Variants in DGKI observed in about 807,000 individuals in gnomAD.
DGKI encodes the protein DAG kinase iota.
In DGKI, 55 loss-of-function variants were observed where a neutral mutation model predicts 147.5. The observed-to-expected ratio is 0.37, with a 90% CI of 0.30 to 0.47. The LOEUF (loss-of-function observed/expected upper bound fraction) is 0.47. Among genes scored for constraint, DGKI ranks in the 20% least tolerant of loss-of-function variants. The pLI, the probability that DGKI is intolerant of heterozygous loss-of-function variation, is 1.00. For synonymous variants in DGKI, 469 were observed against 477.1 expected (o/e 0.98, Z 0.22); for missense variants, 1,007 against 1,323.8 (o/e 0.76, Z 3.71).
chr7:137,608,058 G>C (rs189583374), intron 10 of DGKI, among the ~76,000 whole-genome samples: 14 of 152,284 alleles, frequency 9.2e-5, no homozygotes, highest in African/African-American at 3.4e-4. Flanking sequence ...ATTGTCTTTA[G>C]TAATAAGAAC....
chr7:137,411,311 T>G (rs1311998990), intron 29 of DGKI, among the ~76,000 whole-genome samples: 1 of 152,128 alleles, frequency 6.6e-6, no homozygotes, highest in Non-Finnish European at 1.5e-5. Flanking sequence ...AGAATATTCA[T>G]AGATGATGTT....
intron 28 of DGKI, among the ~76,000 whole-genome samples, chr7:137,427,414 C>A (rs542813460): frequency 0.015 from 2,285 of 151,938 alleles, 55 homozygotes; most frequent in African/African-American, 0.052. Context: ...TGTAGAGGGA[C>A]ATTTATAGCA....
intron 21 of DGKI, among the ~76,000 whole-genome samples, chr7:137,498,053 A>C (rs1816033254): frequency 6.6e-6 from 1 of 152,114 alleles, no homozygotes; most frequent in African/African-American, 2.4e-5. Flanking sequence ...AATGGAATGG[A>C]AATTTCCAAG....
chr7:137,503,557 G>T (rs753914284), intron 21 of DGKI, among the ~76,000 whole-genome samples: 1 of 152,116 alleles, frequency 6.6e-6, no homozygotes. Flanking sequence ...TTTCAGTCTG[G>T]CTAGCCTGTG....
intron 32 of DGKI, among the ~76,000 whole-genome samples, chr7:137,392,293 G>C (rs1432934055): frequency 6.6e-6 from 1 of 152,170 alleles, no homozygotes; most frequent in Admixed American, 6.6e-5. Flanking sequence ...CAGCAGTAAA[G>C]GGAGAAAGAG....
Position 137,579,137 on chromosome 7 carries a change from C to T in DGKI, c.1643-812G>A, listed in dbSNP as rs564628005. 5.3e-5 allele frequency among the ~76,000 whole-genome samples: 8 copies of T among 152,214 alleles called. No individual in the cohort carries two copies. In the East Asian group the frequency reaches 1.5e-3, roughly 29 times the overall value. On this transcript the variant is annotated intron_variant, in intron 15 of 32. Coordinates refer to ENST00000614521, the MANE Select transcript of DGKI (RefSeq NM_001321708.2). ...CTTGACTAATACCTCATAGATTCTACTATCCAAGCTTATTTTTTTCACAAT... is the reference window on the plus strand; with the variant it reads ...CTTGACTAATACCTCATAGATTCTATTATCCAAGCTTATTTTTTTCACAAT...
At chr7:137,702,995 C>T (rs557898516) in intron 1 of DGKI, among the ~76,000 whole-genome samples, 13 of 152,268 alleles carry the variant, frequency 8.5e-5, no homozygotes, top group East Asian at 1.9e-4. Flanking sequence ...AAAGCTTCAA[C>T]GTATTCCTAA....
intron 1 of DGKI, among the ~76,000 whole-genome samples, chr7:137,804,556 C>A (rs1797307717): frequency 6.6e-6 from 1 of 152,068 alleles, no homozygotes; most frequent in Admixed American, 6.6e-5. Context: ...GTTTTGAAGT[C>A]TTTGAAGAAA....
chr7:137,412,059 T>C (rs954711433), intron 29 of DGKI, 111 bp downstream of exon 29: 12 of 1,060,744 alleles, frequency 1.1e-5, no homozygotes, highest in Non-Finnish European at 1.7e-5. Flanking sequence ...ACCCAGCCAG[T>C]GCAAGCAGGG....
In DGKI at chr7:137,485,309, T is replaced by C. The variant is rs945060920; in HGVS notation, c.2373+65A>G. On this transcript the variant is annotated intron_variant, in intron 23 of 32. Coordinates refer to ENST00000614521, the MANE Select transcript of DGKI (RefSeq NM_001321708.2). ...GTGAACTCTAAATCAAAATAAGACA[T>C]TAATTGAAAGATGGACTTCATTTGG... The C allele has an allele frequency of 3.1e-5, 38 of 1,222,814 alleles. No individual in the cohort carries two copies. The African/African-American group carries it at 5.7e-4, about 18-fold the overall frequency. 75.7% of individuals were successfully genotyped at this position (1,222,814 alleles called of 1,614,324 possible). A position where few individuals can be genotyped will look rare whatever the true frequency, so the allele number is the denominator to read the frequency against.
chr7:137,762,765 C>T (rs181118673), intron 1 of DGKI, among the ~76,000 whole-genome samples: 17 of 152,302 alleles, frequency 1.1e-4, no homozygotes, highest in Admixed American at 4.6e-4. Flanking sequence ...CTATAGCATC[C>T]GGGGCTGACC....
chr7:137,755,686 G>C (rs79512912), intron 1 of DGKI, among the ~76,000 whole-genome samples: 1 of 152,184 alleles, frequency 6.6e-6, no homozygotes, highest in Non-Finnish European at 1.5e-5. Context: ...ACATTGTGCA[G>C]GTCATGGGAA....
chr7:137,778,472 A>G (rs1220850035), intron 1 of DGKI, among the ~76,000 whole-genome samples: 1 of 152,138 alleles, frequency 6.6e-6, no homozygotes. Flanking sequence ...TTAGGGGACA[A>G]TGGGCAGGTG....
intron 3 of DGKI, among the ~76,000 whole-genome samples, chr7:137,664,287 A>G (rs553990274): frequency 6.7e-6 from 1 of 150,292 alleles, no homozygotes; most frequent in African/African-American, 2.4e-5. Context: ...CTGAGGCATG[A>G]GAATCACTTG....
intron 1 of DGKI, among the ~76,000 whole-genome samples, chr7:137,748,623 A>G (rs1428306161): frequency 6.6e-6 from 1 of 152,208 alleles, no homozygotes; most frequent in Non-Finnish European, 1.5e-5. Context: ...TAGTTCTTGG[A>G]AAAGAGGAAG....
In DGKI at chr7:137,832,806, T is replaced by C. The variant is rs147481634; in HGVS notation, c.401+13656A>G. Among the ~76,000 whole-genome samples the C allele has an allele frequency of 3.0e-3, 452 of 152,366 alleles. 1 individual carries two copies. The highest frequency in any genetic ancestry group is 4.1e-3 in the Non-Finnish European group (281 of 68,034). On this transcript the variant is annotated intron_variant, in intron 1 of 32. Transcript: ENST00000614521. ...GAACTTTTATGCTCAGCTTCCCTTATAAAACTGAATGCCTTTAACAGCATC... is the reference window on the plus strand; with the variant it reads ...GAACTTTTATGCTCAGCTTCCCTTACAAAACTGAATGCCTTTAACAGCATC...
intron 1 of DGKI, chr7:137,721,894 C>A: frequency 2.6e-6 from 2 of 777,346 alleles, no homozygotes; most frequent in Non-Finnish European, 4.0e-6. Context: ...CTAACTTCTG[C>A]CTAATTCCAA....
chr7:137,703,272 C>G (rs980003722), intron 1 of DGKI, among the ~76,000 whole-genome samples: 1 of 152,188 alleles, frequency 6.6e-6, no homozygotes, highest in Non-Finnish European at 1.5e-5. Context: ...AGAACTCACT[C>G]ACTATCACGA....
chr7:137,842,624 T>C (rs1227760437), intron 1 of DGKI, among the ~76,000 whole-genome samples: 2 of 152,168 alleles, frequency 1.3e-5, no homozygotes, highest in African/African-American at 4.8e-5. Context: ...TCATTGGACC[T>C]AGGTTCGCCT....
Sources: gnomAD v4.1 joint callset for allele counts (sites outside exome capture counted in the v4.1 genomes callset) on GRCh38, gnomAD v4.1.1 for gene constraint, MANE v1.5 for transcripts, NCBI Gene and HGNC (gene_info 2026-07-23, HGNC 2026-07-21) for gene names.